GRB2: variants seen among roughly 807,000 people sequenced by gnomAD.
GRB2 encodes the protein growth factor receptor-bound protein 2.
In GRB2, 2 loss-of-function variants were observed where a neutral mutation model predicts 27.4. That is an observed-to-expected ratio of 0.07 (90% CI 0.03 to 0.23). The LOEUF is 0.23. GRB2 is among the 10% of genes least tolerant of loss of function. GRB2 has a pLI of 1.00. For synonymous variants in GRB2, 94 were observed against 99.6 expected, an observed-to-expected ratio of 0.94 and a Z score of 0.33; for missense variants, 102 against 282.4, an observed-to-expected ratio of 0.36 and a Z score of 4.58.
intron 3 of GRB2, among the ~76,000 whole-genome samples, chr17:75,330,425 G>A (rs1193946091): frequency 6.6e-6 from 1 of 151,716 alleles, no homozygotes; most frequent in African/African-American, 2.4e-5. Context: ...CTTTGGCAGG[G>A]TGCGGTGGCT....
rs1160342265 is a variant in GRB2, at chr17:75,376,345, A to C, written c.78+17206T>G. ...GGGTGACAGACAGAGACTCTGTCTC[A>C]AAAAAAAAAAAAAAAAAAAAAATTT... On this transcript the variant is annotated intron_variant, in intron 2 of 5. Transcript: ENST00000316804. Among the ~76,000 whole-genome samples, 25 of 19,950 alleles carry C rather than the reference A, an allele frequency of 1.3e-3. No homozygotes were observed. The South Asian group carries it at 0.046, about 37-fold the overall frequency. The allele number at this position is 19,950 out of a possible 152,430, so 13.1% of individuals were successfully genotyped here.
chr17:75,354,897 T>C (rs1309145599), intron 2 of GRB2, among the ~76,000 whole-genome samples: 3 of 152,202 alleles, frequency 2.0e-5, no homozygotes, highest in Non-Finnish European at 4.4e-5. Flanking sequence ...CCGGGCACAG[T>C]TCATGCTTGT....
intron 2 of GRB2, among the ~76,000 whole-genome samples, chr17:75,382,175 A>G (rs1336992165): frequency 6.6e-6 from 1 of 151,878 alleles, no homozygotes; most frequent in Non-Finnish European, 1.5e-5. Flanking sequence ...GTGAGCCGAG[A>G]TCGCGCCACT....
Position 75,393,112 on chromosome 17 carries a change from C to T in GRB2, c.78+439G>A, listed in dbSNP as rs1285412093. 2.0e-5 allele frequency among the ~76,000 whole-genome samples: 3 copies of T among 152,138 alleles called. No homozygotes were observed. The East Asian group carries it at 5.8e-4, about 29-fold the overall frequency. On this transcript the variant is annotated intron_variant, in intron 2 of 5. Transcript: ENST00000316804. ...TAAACTGGGAAAATTAATTTCTAAC[C>T]TACCAAAATCATATTCCAGAACGCA...
chr17:75,390,420 G>A (rs2078990950), intron 2 of GRB2, among the ~76,000 whole-genome samples: 2 of 152,156 alleles, frequency 1.3e-5, no homozygotes, highest in South Asian at 4.1e-4. Flanking sequence ...CTCTGGGACT[G>A]TCTCAAGCCT....
intron 2 of GRB2, among the ~76,000 whole-genome samples, chr17:75,391,359 A>T (rs1342909604): frequency 6.6e-6 from 1 of 152,198 alleles, no homozygotes; most frequent in Non-Finnish European, 1.5e-5. Flanking sequence ...AGGGACTGTT[A>T]AACAGGATCT....
At chr17:75,402,303 A>G (rs2079068766) in intron 1 of GRB2, among the ~76,000 whole-genome samples, 1 of 152,212 alleles carries the variant, frequency 6.6e-6, no homozygotes, top group South Asian at 2.1e-4. Flanking sequence ...CTGAGTCTAC[A>G]GACTCAGAAG....
chr17:75,324,772 TCA>T (rs1381817218), intron 4 of GRB2, among the ~76,000 whole-genome samples: 2 of 152,024 alleles, frequency 1.3e-5, no homozygotes, highest in Non-Finnish European at 2.9e-5. Flanking sequence ...ACGCTTTACA[TCA>T]GTTATAAATG....
In GRB2 at chr17:75,358,716, A is replaced by G. The variant is rs1447073721; in HGVS notation, c.79-25919T>C. On this transcript the variant is annotated intron_variant, in intron 2 of 5. Coordinates refer to ENST00000316804, the MANE Select transcript of GRB2 (RefSeq NM_002086.5). ...CATCTCTACTAAAAAAAAAAAAAAA[A>G]AAAAAAAAAACAAAAAATTAGCTGG... is the stretch of plus-strand genomic sequence containing the variant. Among the ~76,000 whole-genome samples, 2 of 146,302 alleles carry G rather than the reference A, an allele frequency of 1.4e-5. 1 individual carries two copies. The highest frequency in any genetic ancestry group is 1.4e-4 in the Admixed American group (2 of 14,468).
At position 75,381,252 on chromosome 17, in the gene GRB2, A is replaced by G. The variant is rs1266176565; in HGVS notation, c.78+12299T>C. Among the ~76,000 whole-genome samples the G allele has an allele frequency of 1.3e-5, 2 of 152,234 alleles. 1 individual carries two copies. The highest frequency in any genetic ancestry group is 4.8e-5 in the African/African-American group (2 of 41,464). Reference sequence around the variant, plus strand: ...TTATAAAAATGTATACATAATGACAATGCTTAAGAGAGATCTGAAATAGTA... The same window carrying G: ...TTATAAAAATGTATACATAATGACAGTGCTTAAGAGAGATCTGAAATAGTA... On this transcript the variant is annotated intron_variant, in intron 2 of 5. Transcript: ENST00000316804.
At chr17:75,379,375 T>A (rs1376588511) in intron 2 of GRB2, among the ~76,000 whole-genome samples, 1 of 146,188 alleles carries the variant, frequency 6.8e-6, no homozygotes, top group Non-Finnish European at 1.5e-5. Flanking sequence ...TTAAAAGAAT[T>A]AAATAAAGAA....
intron 2 of GRB2, among the ~76,000 whole-genome samples, chr17:75,390,557 A>G (rs2145870539): frequency 6.6e-6 from 1 of 152,312 alleles, no homozygotes; most frequent in South Asian, 2.1e-4. Context: ...AGAAAAACAC[A>G]AGCTTTTATA....
intron 2 of GRB2, among the ~76,000 whole-genome samples, chr17:75,378,192 C>G (rs923316174): frequency 2.6e-5 from 4 of 152,102 alleles, no homozygotes; most frequent in Non-Finnish European, 4.4e-5. Flanking sequence ...GAGTTCGAGA[C>G]CAGCCTGACC....
At position 75,345,244 on chromosome 17, in the gene GRB2, C is replaced by T. The variant is rs996946807; in HGVS notation, c.79-12447G>A. Among the ~76,000 whole-genome samples, 16 of 152,046 alleles carry T rather than the reference C, an allele frequency of 1.1e-4. 1 individual carries two copies. In the South Asian group the frequency reaches 3.1e-3, roughly 30 times the overall value. On this transcript the variant is annotated intron_variant, in intron 2 of 5. Coordinates refer to ENST00000316804, the MANE Select transcript of GRB2 (RefSeq NM_002086.5). The stretch of plus-strand genomic sequence containing the variant: ...TATTTTTAGTAGAGACGGGGTTTCA[C>T]CGTGTTAGCCAGGATGGTCTCGATC...
At chr17:75,375,453 C>A (rs2078886240) in intron 2 of GRB2, among the ~76,000 whole-genome samples, 1 of 151,682 alleles carries the variant, frequency 6.6e-6, no homozygotes, top group Non-Finnish European at 1.5e-5. Flanking sequence ...CTCTACCCAA[C>A]AACAGCAGAA....
At chr17:75,355,488 T>C (rs781554632) in intron 2 of GRB2, among the ~76,000 whole-genome samples, 7 of 152,004 alleles carry the variant, frequency 4.6e-5, no homozygotes, top group Non-Finnish European at 8.8e-5. Context: ...AGTGAATACA[T>C]TTATCCATCA....
chr17:75,383,351 G>C (rs1157436645), intron 2 of GRB2, among the ~76,000 whole-genome samples: 3 of 152,174 alleles, frequency 2.0e-5, no homozygotes, highest in Admixed American at 2.0e-4. Context: ...TGAGCTCTGG[G>C]ACAGGGCTGG....
rs148087748 is a variant in GRB2, at chr17:75,391,162, CACA to C, written c.78+2386_78+2388del. Among the ~76,000 whole-genome samples, 243 of 152,052 alleles carry C rather than the reference CACA, an allele frequency of 1.6e-3. 1 individual carries two copies. Among genetic ancestry groups the C allele is most frequent in the African/African-American group, 5.5e-3 (230 of 41,468 alleles). On this transcript the variant is annotated intron_variant, in intron 2 of 5. Coordinates refer to ENST00000316804, the MANE Select transcript of GRB2 (RefSeq NM_002086.5). ...TTTTTTTTTTCTTTTGGAGTAAAGC[CACA>C]ACATTACCAACAAACAGCTAATGGC... is the stretch of plus-strand genomic sequence containing the variant.
intron 2 of GRB2, among the ~76,000 whole-genome samples, chr17:75,365,832 G>A (rs2078815684): frequency 6.6e-6 from 1 of 152,030 alleles, no homozygotes; most frequent in South Asian, 2.1e-4. Context: ...CTAGAGGAAT[G>A]GACTCACACT....
Sources: allele counts gnomAD v4.1 joint callset (sites outside exome capture counted in the v4.1 genomes callset), GRCh38; gene constraint gnomAD v4.1.1; transcripts MANE v1.5; gene names NCBI Gene and HGNC (gene_info 2026-07-23, HGNC 2026-07-21).